Variants in AMMECR1 observed in about 807,000 individuals in gnomAD.
AMMECR1 encodes the protein nuclear protein AMMECR1.
A neutral mutation model predicts 22.5 loss-of-function variants in AMMECR1; 3 were observed. The ratio of observed to expected loss-of-function variants is 0.13; its 90% CI spans 0.06 to 0.35. The LOEUF (loss-of-function observed/expected upper bound fraction) is 0.35, where lower values mean the gene tolerates loss of function less well. Ranked by LOEUF, AMMECR1 falls within the 10% of genes least tolerant of loss-of-function variation. The pLI is 1.00. For missense variants in AMMECR1, 235 were observed against 278.7 expected (o/e 0.84, Z 1.12); for synonymous variants, 130 against 116.7 (o/e 1.11, Z -0.74).
intron 3 of AMMECR1, among the ~76,000 whole-genome samples, chrX:110,205,513 C>T (rs902700039): frequency 1.8e-5 from 2 of 111,487 alleles, no homozygotes; most frequent in African/African-American, 6.5e-5. Context: ...TGGGATTCCC[C>T]GAAGCAGATC....
At chrX:110,314,249 C>T (rs1262621671) in intron 1 of AMMECR1, among the ~76,000 whole-genome samples, 1 of 111,717 alleles carries the variant, frequency 9.0e-6, no homozygotes, top group Non-Finnish European at 1.9e-5. Flanking sequence ...GTGATGTCTT[C>T]TGCAGACCAC....
intron 2 of AMMECR1, among the ~76,000 whole-genome samples, chrX:110,330,826 GT>G (rs2148234159): frequency 9.0e-6 from 1 of 111,208 alleles, no homozygotes; most frequent in African/African-American, 3.3e-5. Flanking sequence ...TGCCTACTGT[GT>G]TGCCAACTTA....
intron 2 of AMMECR1, among the ~76,000 whole-genome samples, chrX:110,378,496 G>A (rs751876965): frequency 1.8e-5 from 2 of 111,887 alleles, no homozygotes; most frequent in African/African-American, 6.5e-5. Flanking sequence ...AATGAGTAAC[G>A]TACTAGCTCC....
At chrX:110,295,373 A>G (rs1306932296) in intron 1 of AMMECR1, among the ~76,000 whole-genome samples, 1 of 111,525 alleles carries the variant, frequency 9.0e-6, no homozygotes, top group Non-Finnish European at 1.9e-5. Context: ...CTCCCACCAT[A>G]TTAGAAATCA....
At chrX:110,423,079 G>A (rs1017899706) in intron 2 of AMMECR1, among the ~76,000 whole-genome samples, 12 of 112,169 alleles carry the variant, frequency 1.1e-4, no homozygotes, top group Non-Finnish European at 2.1e-4. Flanking sequence ...TGTAATCCCA[G>A]CACTTTGGGT....
chrX:110,253,374 G>A (rs1463419081), intron 2 of AMMECR1, among the ~76,000 whole-genome samples: 1 of 112,281 alleles, frequency 8.9e-6, no homozygotes, highest in Non-Finnish European at 1.9e-5. Context: ...TGGCTAATGG[G>A]GTAAATGTGC....
At chrX:110,329,564 G>A (rs1341717212) in intron 2 of AMMECR1, among the ~76,000 whole-genome samples, 1 of 112,275 alleles carries the variant, frequency 8.9e-6, no homozygotes, top group African/African-American at 3.2e-5. Context: ...TGGTATTCTG[G>A]TGATGCCACT....
At position 110,194,967 on chromosome X, in the gene AMMECR1, G is replaced by A. The variant is rs1028427639; in HGVS notation, c.*3553C>T. On this transcript the variant is annotated 3_prime_UTR_variant, in exon 6 of 6. Transcript: ENST00000262844. ...AACTTAATTCATTTTAACATCACTA[G>A]CAAAAATCACTTAGAAACTGTACAA... 2.7e-5 allele frequency: 3 copies of A among 111,692 alleles called. No homozygotes were observed. The highest frequency in any genetic ancestry group is 9.8e-5 in the African/African-American group (3 of 30,716). The allele number at this position is 111,692 out of a possible 1,213,427, so 9.2% of individuals were successfully genotyped here.
rs372885452 is a variant in AMMECR1, at chrX:110,350,512, T to G, written c.-147-32663A>C. Among the ~76,000 whole-genome samples the G allele has an allele frequency of 1.2e-4, 13 of 111,991 alleles. No homozygotes were observed. The East Asian group carries it at 3.6e-3, about 31-fold the overall frequency. On this transcript the variant is annotated intron_variant, in intron 2 of 7. Transcript: ENST00000372057. ...TTGGAAAGGAAGAATTCAAATGATC[T>G]CTATTTGAAGATAGCTTGATCTTAT...
chrX:110,387,365 A>G (rs73636962), intron 2 of AMMECR1, among the ~76,000 whole-genome samples: 4,318 of 112,025 alleles, frequency 0.039, 208 homozygotes, highest in African/African-American at 0.13. Flanking sequence ...CTGCTAAAAC[A>G]TTTAACTGGA....
chrX:110,401,371 G>A (rs1180131694), intron 2 of AMMECR1, among the ~76,000 whole-genome samples: 1 of 111,472 alleles, frequency 9.0e-6, no homozygotes, highest in Non-Finnish European at 1.9e-5. Context: ...CACCTACTAT[G>A]GCTCCTACAG....
chrX:110,247,094 T>C (rs781573356), intron 2 of AMMECR1, among the ~76,000 whole-genome samples: 3 of 112,660 alleles, frequency 2.7e-5, no homozygotes, highest in African/African-American at 6.5e-5. Flanking sequence ...TGAGCTAGCA[T>C]CTACAGCTCT....
intron 2 of AMMECR1, among the ~76,000 whole-genome samples, chrX:110,403,634 A>AT (rs751197125): frequency 1.8e-5 from 2 of 111,798 alleles, no homozygotes; most frequent in Non-Finnish European, 3.8e-5. Flanking sequence ...ACCCAGACTC[A>AT]TAGCCTCATA....
At chrX:110,405,854 G>A (rs1445071598) in intron 2 of AMMECR1, among the ~76,000 whole-genome samples, 1 of 111,648 alleles carries the variant, frequency 9.0e-6, no homozygotes, top group Non-Finnish European at 1.9e-5. Flanking sequence ...CTGAACCATG[G>A]TGTGCAAGTC....
chrX:110,353,489 A>G (rs975389580), intron 2 of AMMECR1, among the ~76,000 whole-genome samples: 1 of 111,289 alleles, frequency 9.0e-6, no homozygotes, highest in African/African-American at 3.3e-5. Context: ...TGCATCCCAT[A>G]AGTTTTGGAG....
Position 110,243,159 on chromosome X carries a change from G to A in AMMECR1, c.584+21330C>T, listed in dbSNP as rs2067642221. 2.7e-5 allele frequency among the ~76,000 whole-genome samples: 3 copies of A among 111,968 alleles called. No homozygotes were observed. The South Asian group carries it at 1.1e-3, about 41-fold the overall frequency. On this transcript the variant is annotated intron_variant, in intron 2 of 5. Transcript: ENST00000262844. ...ACTGAGTGATCCCAGAAGATAGCTG[G>A]AAATGTTAATTCCTTTGTTAATGTA...
At chrX:110,434,361 T>C (rs1172863376) in intron 1 of AMMECR1, among the ~76,000 whole-genome samples, 1 of 111,003 alleles carries the variant, frequency 9.0e-6, no homozygotes, top group Non-Finnish European at 1.9e-5. Context: ...CTTACCAGGG[T>C]GTTGAAAGAT....
intron 1 of AMMECR1, among the ~76,000 whole-genome samples, chrX:110,279,471 T>A (rs947441591): frequency 1.6e-4 from 18 of 112,254 alleles, no homozygotes; most frequent in African/African-American, 5.8e-4. Context: ...ATAATACATG[T>A]AAGAGTCTAG....
intron 1 of AMMECR1, among the ~76,000 whole-genome samples, chrX:110,298,282 A>G (rs1185899745): frequency 8.9e-6 from 1 of 111,829 alleles, no homozygotes; most frequent in African/African-American, 3.2e-5. Context: ...TTTAAAATGC[A>G]TTTCATTAGA....
Sources: allele counts gnomAD v4.1 joint callset (sites outside exome capture counted in the v4.1 genomes callset), GRCh38; gene constraint gnomAD v4.1.1; transcripts MANE v1.5; gene names NCBI Gene and HGNC (gene_info 2026-07-23, HGNC 2026-07-21).